CPNE8: variants seen among roughly 807,000 people sequenced by gnomAD.
The protein encoded by CPNE8 is copine-8.
In CPNE8, 45 loss-of-function variants were observed where a neutral mutation model predicts 81.5. That is an observed-to-expected ratio of 0.55 (90% confidence interval 0.44 to 0.71). CPNE8 has a LOEUF of 0.71. Among genes scored for constraint, CPNE8 ranks in the 30% least tolerant of loss-of-function variants. CPNE8 has a pLI of 0.00. For synonymous variants in CPNE8, 252 were observed against 226.3 expected (o/e 1.11, Z -1.02); for missense variants, 594 against 672.1 (o/e 0.88, Z 1.28).
chr12:38,724,999 C>G (rs1940660653), intron 11 of CPNE8, 100 bp from the exon 12 acceptor site: 2 of 1,011,720 alleles, frequency 2.0e-6, no homozygotes, highest in South Asian at 2.8e-5. Context: ...GCCTTCCCTT[C>G]TTATGCATGT....
chr12:38,902,287 G>T (rs1221017702), intron 1 of CPNE8, among the ~76,000 whole-genome samples: 1 of 131,982 alleles, frequency 7.6e-6, no homozygotes, highest in Non-Finnish European at 1.6e-5. Flanking sequence ...AAGAAAGAAG[G>T]AAGGAAGGAA....
chr12:38,799,067 C>A (rs952614805), intron 6 of CPNE8, among the ~76,000 whole-genome samples: 3 of 152,162 alleles, frequency 2.0e-5, no homozygotes, highest in Non-Finnish European at 1.5e-5. Context: ...CAGTGACCTA[C>A]AAAGAGACTT....
chr12:38,727,080 T>C (rs962246987), intron 11 of CPNE8, among the ~76,000 whole-genome samples: 1 of 152,298 alleles, frequency 6.6e-6, no homozygotes, highest in East Asian at 1.9e-4. Context: ...TCTGCAAAGT[T>C]GCTTGTCCAT....
intron 3 of CPNE8, among the ~76,000 whole-genome samples, chr12:38,872,300 A>G (rs1944005529): frequency 6.6e-6 from 1 of 152,228 alleles, no homozygotes; most frequent in Non-Finnish European, 1.5e-5. Context: ...ATTGAGACAC[A>G]GTGGTAAAAT....
chr12:38,679,143 C>G (rs564256165), intron 16 of CPNE8, among the ~76,000 whole-genome samples: 1 of 151,794 alleles, frequency 6.6e-6, no homozygotes, highest in East Asian at 1.9e-4. Context: ...GTAGTGAAAA[C>G]CTTCTTAAGT....
chr12:38,764,914 A>T (rs2136861721), intron 8 of CPNE8, among the ~76,000 whole-genome samples: 2 of 152,274 alleles, frequency 1.3e-5, no homozygotes, highest in Non-Finnish European at 2.9e-5. Context: ...CTAGACTGAG[A>T]GACCAACTGA....
At chr12:38,807,029 T>G (rs373403126) in intron 6 of CPNE8, among the ~76,000 whole-genome samples, 182 of 152,080 alleles carry the variant, frequency 1.2e-3, no homozygotes, top group South Asian at 3.1e-3. Context: ...AAATACCTAG[T>G]AATCCAACTT....
intron 7 of CPNE8, among the ~76,000 whole-genome samples, chr12:38,769,577 A>T (rs1941758744): frequency 6.6e-6 from 1 of 152,182 alleles, no homozygotes; most frequent in Non-Finnish European, 1.5e-5. Flanking sequence ...CTTTCTAAGA[A>T]CATGGGGACA....
intron 15 of CPNE8, among the ~76,000 whole-genome samples, chr12:38,690,289 T>A (rs990474362): frequency 1.1e-4 from 16 of 152,320 alleles, no homozygotes; most frequent in African/African-American, 3.8e-4. Flanking sequence ...GATATTGCAG[T>A]GACTTAGGAT....
chr12:38,745,550 T>C (rs1194464442), intron 10 of CPNE8, among the ~76,000 whole-genome samples: 5 of 152,158 alleles, frequency 3.3e-5, no homozygotes, highest in Non-Finnish European at 7.3e-5. Context: ...GTGAGGTTAC[T>C]AAGTTTGTTT....
chr12:38,902,419 A>AG (rs1944503041), intron 1 of CPNE8, among the ~76,000 whole-genome samples: 1 of 99,500 alleles, frequency 1.0e-5, no homozygotes, highest in African/African-American at 6.0e-5. Flanking sequence ...AAGAAAGAAA[A>AG]AGAAAGAAAG....
chr12:38,814,717 A>C (rs1474978867), intron 6 of CPNE8, among the ~76,000 whole-genome samples: 6 of 152,092 alleles, frequency 3.9e-5, no homozygotes, highest in Admixed American at 3.9e-4. Context: ...GCTTTGACAC[A>C]GTCTGGAATA....
At chr12:38,807,550 T>C (rs1453144483) in intron 6 of CPNE8, among the ~76,000 whole-genome samples, 2 of 150,542 alleles carry the variant, frequency 1.3e-5, no homozygotes, top group Admixed American at 6.6e-5. Flanking sequence ...GCTAGCCATA[T>C]GTAGAAAGCT....
At chr12:38,794,967 C>T (rs550787537) in intron 6 of CPNE8, among the ~76,000 whole-genome samples, 10 of 152,188 alleles carry the variant, frequency 6.6e-5, no homozygotes, top group African/African-American at 2.2e-4. Context: ...AGTGGGAGAC[C>T]CTTACTTGCT....
intron 13 of CPNE8, among the ~76,000 whole-genome samples, chr12:38,720,040 C>T (rs890258657): frequency 1.3e-4 from 20 of 152,230 alleles, no homozygotes; most frequent in South Asian, 6.2e-4. Flanking sequence ...GGCTGGAGTG[C>T]AGTGGTGCGA....
At chr12:38,773,190 C>A (rs1382887300) in intron 7 of CPNE8, among the ~76,000 whole-genome samples, 1 of 152,010 alleles carries the variant, frequency 6.6e-6, no homozygotes, top group Non-Finnish European at 1.5e-5. Context: ...TATCAAGGAG[C>A]ACAAAATTTC....
chr12:38,760,954 T>C, intron 9 of CPNE8, 66 bp from the exon 10 acceptor site: 1 of 1,202,544 alleles, frequency 8.3e-7, no homozygotes, highest in Non-Finnish European at 1.2e-6. Context: ...TGGTTGAGAA[T>C]TTAAAAATAA....
chr12:38,848,743 C>T, intron 3 of CPNE8, 81 bp from the exon 4 acceptor site: 1 of 1,406,670 alleles, frequency 7.1e-7, no homozygotes, highest in Non-Finnish European at 9.3e-7. Context: ...TCACACAGTT[C>T]TTTTAAAAAA....
intron 3 of CPNE8, among the ~76,000 whole-genome samples, chr12:38,866,788 G>A (rs1284232688): frequency 3.9e-5 from 6 of 152,092 alleles, no homozygotes; most frequent in African/African-American, 7.2e-5. Flanking sequence ...AAACCATGAC[G>A]TTAAACTGTA....
Sources: allele counts gnomAD v4.1 joint callset (sites outside exome capture counted in the v4.1 genomes callset), GRCh38; gene constraint gnomAD v4.1.1; transcripts MANE v1.5; gene names NCBI Gene and HGNC (gene_info 2026-07-23, HGNC 2026-07-21).